The following NR6A1 variants were observed in gnomAD, a reference collection of about 807,000 sequenced individuals.
NR6A1 encodes nuclear receptor subfamily 6 group A member 1, also known as retinoic acid receptor-related testis-associated receptor.
A neutral mutation model predicts 59.1 loss-of-function variants in NR6A1; 7 were observed. The ratio of observed to expected loss-of-function variants is 0.12; its 90% confidence interval spans 0.07 to 0.22. The LOEUF (loss-of-function observed/expected upper bound fraction) is 0.22, where lower values mean the gene tolerates loss of function less well. Among genes scored for constraint, NR6A1 ranks in the 10% least tolerant of loss-of-function variants. The probability of loss-of-function intolerance (pLI) is 1.00; values close to 1 mark genes in which losing one functional copy is unlikely to be tolerated. For synonymous variants in NR6A1, 243 were observed against 236.1 expected, an observed-to-expected ratio of 1.03 and a Z score of -0.27; for missense variants, 468 against 611.6, an observed-to-expected ratio of 0.77 and a Z score of 2.48.
At chr9:124,691,995 G>T (rs1011558343) in intron 2 of NR6A1, among the ~76,000 whole-genome samples, 3 of 152,336 alleles carry the variant, frequency 2.0e-5, no homozygotes, top group South Asian at 4.1e-4. Context: ...CTGGAAACAT[G>T]AAGTCCAGTA....
chr9:124,685,956 G>C (rs919194736), intron 2 of NR6A1, among the ~76,000 whole-genome samples: 1 of 152,134 alleles, frequency 6.6e-6, no homozygotes, highest in Non-Finnish European at 1.5e-5. Flanking sequence ...TTAAATAAAA[G>C]TTTTAAGACA....
chr9:124,751,135 G>T (rs530891202), intron 1 of NR6A1, among the ~76,000 whole-genome samples: 4 of 152,258 alleles, frequency 2.6e-5, no homozygotes, highest in Middle Eastern at 3.4e-3. Flanking sequence ...TTATCACACA[G>T]TGGGCACACA....
chr9:124,750,715 G>T (rs927650677), intron 1 of NR6A1, among the ~76,000 whole-genome samples: 1 of 151,720 alleles, frequency 6.6e-6, no homozygotes, highest in East Asian at 1.9e-4. Context: ...AGCCAAGATC[G>T]CGCCACTGCA....
chr9:124,596,500 G>A (rs932481768), intron 2 of NR6A1, among the ~76,000 whole-genome samples: 1 of 152,026 alleles, frequency 6.6e-6, no homozygotes, highest in Non-Finnish European at 1.5e-5. Context: ...GAATGCTCTG[G>A]TTATACATAT....
At chr9:124,625,718 TG>T (rs570189096) in intron 2 of NR6A1, among the ~76,000 whole-genome samples, 3 of 151,720 alleles carry the variant, frequency 2.0e-5, no homozygotes, top group African/African-American at 4.8e-5. Flanking sequence ...TGGGTGTGTC[TG>T]GGGGGGGCTA....
chr9:124,719,253 A>AT (rs1392079193), intron 2 of NR6A1, among the ~76,000 whole-genome samples: 1 of 151,656 alleles, frequency 6.6e-6, no homozygotes, highest in East Asian at 1.9e-4. Flanking sequence ...CACCCAGCTA[A>AT]TTTTTGTATA....
intron 2 of NR6A1, among the ~76,000 whole-genome samples, chr9:124,592,752 G>T (rs1312372987): frequency 6.6e-6 from 1 of 152,162 alleles, no homozygotes; most frequent in African/African-American, 2.4e-5. Context: ...ATTTATTCCT[G>T]GAAGATTTCA....
At chr9:124,537,463 A>C (rs1377624483) in intron 6 of NR6A1, among the ~76,000 whole-genome samples, 5 of 152,142 alleles carry the variant, frequency 3.3e-5, no homozygotes, top group Non-Finnish European at 7.4e-5. Flanking sequence ...CTGAAACTGG[A>C]GACTAGCTTA....
intron 1 of NR6A1, among the ~76,000 whole-genome samples, chr9:124,741,881 T>TG (rs1340387075): frequency 2.0e-5 from 3 of 152,052 alleles, no homozygotes; most frequent in Admixed American, 6.5e-5. Context: ...CTGAGGTCAG[T>TG]GAAAGTGCTC....
intron 3 of NR6A1, among the ~76,000 whole-genome samples, chr9:124,551,857 T>C (rs1367023392): frequency 3.3e-5 from 5 of 152,354 alleles, no homozygotes; most frequent in African/African-American, 9.6e-5. Flanking sequence ...GAACATTCCT[T>C]ACCCCCAAAA....
At chr9:124,633,768 T>C (rs1836515491) in intron 2 of NR6A1, among the ~76,000 whole-genome samples, 1 of 152,192 alleles carries the variant, frequency 6.6e-6, no homozygotes, top group Admixed American at 6.5e-5. Flanking sequence ...TCCATTTTGA[T>C]AGCTAGAGGA....
intron 7 of NR6A1, among the ~76,000 whole-genome samples, chr9:124,532,761 A>T (rs762648414): frequency 6.6e-6 from 1 of 152,212 alleles, no homozygotes; most frequent in Non-Finnish European, 1.5e-5. Context: ...GATAAAAATG[A>T]TCTTTATTTG....
At chr9:124,749,558 T>A (rs1436969848) in intron 1 of NR6A1, among the ~76,000 whole-genome samples, 1 of 147,614 alleles carries the variant, frequency 6.8e-6, no homozygotes, top group Non-Finnish European at 1.5e-5. Flanking sequence ...AAATACGGTA[T>A]TTTTTTTTTA....
chr9:124,549,215 G>T (rs528141124), intron 3 of NR6A1, among the ~76,000 whole-genome samples: 5 of 138,192 alleles, frequency 3.6e-5, no homozygotes, highest in Non-Finnish European at 7.4e-5. Context: ...TTGAAGTCAG[G>T]AGTAGAAGAA....
intron 2 of NR6A1, among the ~76,000 whole-genome samples, chr9:124,624,551 A>G (rs969326688): frequency 6.6e-6 from 1 of 152,198 alleles, no homozygotes; most frequent in African/African-American, 2.4e-5. Flanking sequence ...ATGTGCAGAG[A>G]CAGAACGCTG....
intron 2 of NR6A1, among the ~76,000 whole-genome samples, chr9:124,613,498 A>T (rs1835811091): frequency 6.6e-6 from 1 of 151,918 alleles, no homozygotes; most frequent in Admixed American, 6.6e-5. Flanking sequence ...AAATAAAAAT[A>T]AAAAACACAA....
At position 124,522,603 on chromosome 9, in the gene NR6A1, T is replaced by C. The variant is rs535628589; in HGVS notation, c.*102A>G. The C allele has an allele frequency of 4.2e-5, 34 of 818,186 alleles. No individual in the cohort carries two copies. The African/African-American group carries it at 5.6e-4, about 14-fold the overall frequency. 50.7% of individuals were successfully genotyped at this position (818,186 alleles called of 1,614,324 possible). A position where few individuals can be genotyped will look rare whatever the true frequency, so the allele number is the denominator to read the frequency against. ...TTGCTATGGAGGCAACGGGAAATGC[T>C]GCTCCACAGCCTCCATCTTGGTCTC... On this transcript the variant is annotated 3_prime_UTR_variant, in exon 10 of 10. Coordinates refer to ENST00000487099, the MANE Select transcript of NR6A1 (RefSeq NM_033334.4).
rs534144540 is a variant in NR6A1 at position 124,685,034 on chromosome 9, A to G, written c.142+48274T>C. On this transcript the variant is annotated intron_variant, in intron 2 of 9. Coordinates refer to ENST00000487099, the MANE Select transcript of NR6A1 (RefSeq NM_033334.4). ...TTTCATGATGAAGAGACAGAGTGGT[A>G]TAATTATGATAAACACACATACATG... Among the ~76,000 whole-genome samples, 18 of 152,332 alleles carry G rather than the reference A, an allele frequency of 1.2e-4. No individual in the cohort carries two copies. The South Asian group carries it at 3.7e-3, about 32-fold the overall frequency.
intron 3 of NR6A1, among the ~76,000 whole-genome samples, chr9:124,551,711 G>A (rs1244058922): frequency 6.6e-6 from 1 of 152,054 alleles, no homozygotes; most frequent in Non-Finnish European, 1.5e-5. Flanking sequence ...CTTTCTCTCT[G>A]CCCTTTAACC....
Sources: allele counts gnomAD v4.1 joint callset (sites outside exome capture counted in the v4.1 genomes callset), GRCh38; gene constraint gnomAD v4.1.1; transcripts MANE v1.5; gene names NCBI Gene and HGNC (gene_info 2026-07-23, HGNC 2026-07-21).